NR2C2: variants seen among roughly 807,000 people sequenced by gnomAD.
NR2C2 encodes the protein nuclear receptor subfamily 2 group C member 2.
Under a neutral mutation model 62.9 loss-of-function variants are expected in NR2C2, and 6 were observed. The ratio of observed to expected loss-of-function variants is 0.10; its 90% CI spans 0.05 to 0.19. The LOEUF is 0.19. NR2C2 is among the 10% of genes least tolerant of loss of function. The pLI, the probability that NR2C2 is intolerant of heterozygous loss-of-function variation, is 1.00. For synonymous variants in NR2C2, 272 were observed against 273.8 expected (o/e 0.99, Z 0.07); for missense variants, 479 against 762.7 (o/e 0.63, Z 4.38).
chr3:14,988,603 G>A lies in NR2C2; in HGVS notation c.-39-15273G>A, dbSNP rs1028791773. 1.2e-4 allele frequency among the ~76,000 whole-genome samples: 18 copies of A among 152,234 alleles called. No homozygotes were observed. In the East Asian group the frequency reaches 2.1e-3, roughly 18 times the overall value. ...TATTAATCTTTCCTTTTACACATAC[G>A]TAAAGCACATTTATTGGCTGTACTT... On this transcript the variant is annotated intron_variant, in intron 1 of 13. Coordinates refer to ENST00000425241, the MANE Select transcript of NR2C2 (RefSeq NM_001291694.2).
chr3:14,998,308 T>C (rs780012293), intron 1 of NR2C2, among the ~76,000 whole-genome samples: 19 of 152,246 alleles, frequency 1.2e-4, no homozygotes, highest in Non-Finnish European at 2.6e-4. Flanking sequence ...ATGGGTCATA[T>C]GGCAACTCTG....
intron 8 of NR2C2, 58 bp from the exon 9 acceptor site, chr3:15,030,217 C>A (rs1559304427): frequency 7.2e-7 from 1 of 1,390,494 alleles, no homozygotes. Flanking sequence ...AGCTAGAATT[C>A]TGTTCCCCCT....
chr3:14,993,622 C>A (rs752895589), intron 1 of NR2C2, among the ~76,000 whole-genome samples: 1 of 152,124 alleles, frequency 6.6e-6, no homozygotes. Flanking sequence ...CCTCTGGTGC[C>A]ACTAGAACAT....
chr3:14,965,522 CA>C (rs545143806), intron 1 of NR2C2, among the ~76,000 whole-genome samples: 1,584 of 79,388 alleles, frequency 0.02, 6 homozygotes, highest in African/African-American at 0.045. Flanking sequence ...TTTCCCATGG[CA>C]AAAAAAAAAA....
intron 2 of NR2C2, among the ~76,000 whole-genome samples, chr3:15,007,819 G>A (rs2041229149): frequency 6.6e-6 from 1 of 152,198 alleles, no homozygotes; most frequent in Non-Finnish European, 1.5e-5. Flanking sequence ...CATGTTCTGG[G>A]CAGTGTACCA....
At chr3:14,968,458 T>C (rs1243526400) in intron 1 of NR2C2, among the ~76,000 whole-genome samples, 1 of 151,862 alleles carries the variant, frequency 6.6e-6, no homozygotes, top group East Asian at 1.9e-4. Context: ...CCAGTTAGAA[T>C]GGCAATCATT....
intron 1 of NR2C2, among the ~76,000 whole-genome samples, chr3:14,964,383 G>A (rs1448374723): frequency 1.3e-5 from 2 of 152,182 alleles, no homozygotes; most frequent in African/African-American, 2.4e-5. Context: ...ATTGTCAGGA[G>A]TACCTCCTAC....
intron 2 of NR2C2, among the ~76,000 whole-genome samples, chr3:15,012,253 T>A (rs1367993596): frequency 6.6e-6 from 1 of 150,528 alleles, no homozygotes; most frequent in African/African-American, 2.4e-5. Context: ...GGAGACGGAG[T>A]TTCCCTTTTG....
intron 7 of NR2C2, among the ~76,000 whole-genome samples, chr3:15,027,738 C>G (rs1459320791): frequency 1.3e-5 from 2 of 152,108 alleles, no homozygotes; most frequent in Non-Finnish European, 2.9e-5. Flanking sequence ...GCTGGGACCA[C>G]AGGCACACAC....
chr3:15,027,084 C>G (rs1575025023), intron 7 of NR2C2: 1 of 152,348 alleles, frequency 6.6e-6, no homozygotes, highest in South Asian at 2.1e-4. Flanking sequence ...TCAGGCTGGT[C>G]TTAAACTCCT....
At chr3:14,955,120 C>T (rs960937071) in intron 1 of NR2C2, among the ~76,000 whole-genome samples, 5 of 152,156 alleles carry the variant, frequency 3.3e-5, no homozygotes, top group South Asian at 2.1e-4. Flanking sequence ...CAGGAGCCAC[C>T]GAGCCTGGCT....
chr3:14,997,197 A>G (rs1164082215), intron 1 of NR2C2, among the ~76,000 whole-genome samples: 1 of 152,194 alleles, frequency 6.6e-6, no homozygotes, highest in African/African-American at 2.4e-5. Flanking sequence ...CGGTTATAGT[A>G]TTCACCACAG....
chr3:15,005,394 A>G (rs1261049423), intron 2 of NR2C2, among the ~76,000 whole-genome samples: 1 of 60,670 alleles, frequency 1.6e-5, no homozygotes, highest in Non-Finnish European at 3.2e-5. Flanking sequence ...TTTTTTTTTT[A>G]TAAATAGGGA....
intron 13 of NR2C2, among the ~76,000 whole-genome samples, chr3:15,041,870 C>T (rs144326064): frequency 0.011 from 1,660 of 152,140 alleles, 13 homozygotes; most frequent in Non-Finnish European, 0.013. Context: ...AAAACAAAAA[C>T]AAAAAAGCAC....
chr3:15,018,612 C>G (rs1433614330), intron 4 of NR2C2, among the ~76,000 whole-genome samples: 2 of 152,018 alleles, frequency 1.3e-5, no homozygotes, highest in East Asian at 3.9e-4. Flanking sequence ...GCCTATAATC[C>G]CAGCACTTTG....
intron 10 of NR2C2, among the ~76,000 whole-genome samples, chr3:15,032,817 T>C (rs1193109836): frequency 6.6e-6 from 1 of 152,172 alleles, no homozygotes; most frequent in Non-Finnish European, 1.5e-5. Flanking sequence ...CTCAACAAAC[T>C]GAAGCCAGGC....
At chr3:14,949,589 G>T (rs1469307569) in intron 1 of NR2C2, among the ~76,000 whole-genome samples, 1 of 152,200 alleles carries the variant, frequency 6.6e-6, no homozygotes, top group African/African-American at 2.4e-5. Flanking sequence ...GACTTGGGAG[G>T]AGGGCCTCAG....
At chr3:15,037,954 A>C (rs2125085342) in intron 11 of NR2C2, 46 bp from the exon 12 acceptor site, 1 of 1,563,854 alleles carries the variant, frequency 6.4e-7, no homozygotes, top group East Asian at 2.3e-5. Context: ...AGCTGGTTTT[A>C]TTGTTCTTAC....
chr3:15,020,173 T>C (rs577375624), intron 4 of NR2C2, among the ~76,000 whole-genome samples: 5 of 150,998 alleles, frequency 3.3e-5, no homozygotes, highest in Non-Finnish European at 7.4e-5. Context: ...ATGGTAATCC[T>C]CTTTTGCTGT....
Sources: gnomAD v4.1 joint callset for allele counts (sites outside exome capture counted in the v4.1 genomes callset) on GRCh38, gnomAD v4.1.1 for gene constraint, MANE v1.5 for transcripts, NCBI Gene and HGNC (gene_info 2026-07-23, HGNC 2026-07-21) for gene names.